The following SYNE1 variants were observed in gnomAD, a reference collection of about 807,000 sequenced individuals.
SYNE1 encodes the protein spectrin repeat containing nuclear envelope protein 1.
SYNE1 carries 616 observed loss-of-function variants against 1,111.0 expected under a neutral mutation model. The ratio of observed to expected loss-of-function variants is 0.55; its 90% confidence interval spans 0.52 to 0.59. The LOEUF is 0.59. Ranked by LOEUF, SYNE1 falls within the 20% of genes least tolerant of loss-of-function variation. The probability of loss-of-function intolerance (pLI) is 0.00; values close to 1 mark genes in which losing one functional copy is unlikely to be tolerated. For synonymous variants in SYNE1, 3,855 were observed against 3,825.8 expected, an observed-to-expected ratio of 1.01 and a Z score of -0.28; for missense variants, 10,006 against 10,417.0, an observed-to-expected ratio of 0.96 and a Z score of 1.72.
chr6:152,390,346 T>G lies in SYNE1; in HGVS notation c.8111A>C (p.Gln2704Pro), dbSNP rs1591715506. The change falls in exon 53 of 146, where the codon CAG becomes CCG. Residue 2704 changes from glutamine (Q) to proline (P), a missense_variant. Physicochemically the swap from Gln to Pro is moderately conservative, Grantham distance 76. Transcript: ENST00000367255. Reference protein sequence around the residue: ...SSNKEGQRVIQTQLETLKEVW... With the variant: ...SSNKEGQRVIPTQLETLKEVW... Reference sequence around the variant, plus strand: ...TTCTTTAAGGGTCTCTAACTGAGTCTGAATCACCCTCTGACCTTCTTTGTT... The same window carrying G: ...TTCTTTAAGGGTCTCTAACTGAGTCGGAATCACCCTCTGACCTTCTTTGTT... 5.0e-6 allele frequency: 8 copies of G among 1,614,176 alleles called. No individual in the cohort carries two copies. The highest frequency in any genetic ancestry group is 6.8e-6 in the Non-Finnish European group (8 of 1,180,026).
rs777031476 is a variant in SYNE1, at chr6:152,399,792, C to T, written c.7061G>A (p.Ser2354Asn). Residue 2354 changes from serine to asparagine, a missense_variant, in exon 48 of 146, where the codon AGC becomes AAC. Ser to Asn is a conservative substitution (Grantham distance 46). This residue lies in a region of SYNE1 where 4,955 missense variants were observed against 5,017.2 expected (regional missense o/e 0.99). Transcript: ENST00000367255. ...DIQKELQSQQ[S>N]NISSTQENLN... is the part of the protein sequence containing the mutation. The stretch of plus-strand genomic sequence containing the variant: ...ATTTTCTTGGGTAGAGCTGATGTTG[C>T]TTTGTTGACTTTGAAGTTCTTTTTG... The T allele has an allele frequency of 1.2e-6, 2 of 1,613,958 alleles. No individual in the cohort carries two copies. The highest frequency in any genetic ancestry group is 1.1e-5 in the South Asian group (1 of 91,082).
chr6:152,397,638 A>C (rs550928904), intron 49 of SYNE1, among the ~76,000 whole-genome samples: 37 of 152,284 alleles, frequency 2.4e-4, no homozygotes, highest in African/African-American at 8.9e-4. Flanking sequence ...TTCTAATCTA[A>C]TGAATTTTCA....
chr6:152,122,358 CTTG>C lies in SYNE1; in HGVS notation c.*75_*77del. The stretch of plus-strand genomic sequence containing the variant: ...GGGCTTTCGCCAAGATCAAGGTCCT[CTTG>C]TTGGTAGTTTGGGATTGCTTATGAC... On this transcript the variant is annotated 3_prime_UTR_variant, in exon 146 of 146. Transcript: ENST00000367255. 1.9e-6 allele frequency: 3 copies of C among 1,611,444 alleles called. No individual in the cohort carries two copies. Among genetic ancestry groups the C allele is most frequent in the South Asian group, 2.2e-5 (2 of 90,776 alleles).
intron 53 of SYNE1, among the ~76,000 whole-genome samples, chr6:152,388,135 G>A (rs1563614571): frequency 6.6e-6 from 1 of 152,114 alleles, no homozygotes; most frequent in African/African-American, 2.4e-5. Flanking sequence ...TGAACTTCCA[G>A]TATTTGCTCA....
intron 3 of SYNE1, among the ~76,000 whole-genome samples, chr6:152,618,757 A>G (rs373141149): frequency 6.6e-6 from 1 of 152,240 alleles, no homozygotes; most frequent in Non-Finnish European, 1.5e-5. Context: ...AAAATTGTAC[A>G]TGGATAATTT....
intron 6 of SYNE1, among the ~76,000 whole-genome samples, chr6:152,514,487 G>A (rs947960443): frequency 6.6e-6 from 1 of 152,232 alleles, no homozygotes; most frequent in Non-Finnish European, 1.5e-5. Flanking sequence ...ACGGGGTAGG[G>A]GACTAGGGGA....
At chr6:152,369,159 G>T in intron 60 of SYNE1, 32 bp from the exon 61 acceptor site, 1 of 1,609,518 alleles carries the variant, frequency 6.2e-7, no homozygotes. Context: ...CTATTCAGAG[G>T]CTGGGGAAAA....
intron 3 of SYNE1, among the ~76,000 whole-genome samples, chr6:152,559,713 C>G (rs1028034075): frequency 3.1e-4 from 47 of 151,936 alleles, no homozygotes; most frequent in African/African-American, 1.1e-3. Context: ...AATTTTATAC[C>G]TCAAGGAGCT....
Position 152,331,501 on chromosome 6 carries a change from T to C in SYNE1, c.13184A>G (p.Glu4395Gly), listed in dbSNP as rs1051765848. 6.2e-7 allele frequency: 1 copy of C among 1,614,150 alleles called. No individual in the cohort carries two copies. The highest frequency in any genetic ancestry group is 1.3e-5 in the African/African-American group (1 of 75,044). ...MDHLAICSEL[E>G]AKQMLLKSLI... The stretch of plus-strand genomic sequence containing the variant: ...CGATTTCAGGAGCATCTGCTTGGCC[T>C]CCAGTTCACTGCAGATGGCCAGGTG... Residue 4395 changes from glutamate (E) to glycine (G), a missense_variant, in exon 78 of 146, where the codon GAG (glutamate) becomes GGG (glycine). By Grantham distance (98) the Glu-to-Gly change is moderately conservative (BLOSUM62 -2). Coordinates refer to ENST00000367255, the MANE Select transcript of SYNE1 (RefSeq NM_182961.4).
At chr6:152,372,484 AATAG>A (rs769741159) in intron 59 of SYNE1, among the ~76,000 whole-genome samples, 1 of 152,214 alleles carries the variant, frequency 6.6e-6, no homozygotes. Context: ...CGATACATAA[AATAG>A]ATAGTCTCAG....
Position 152,510,183 on chromosome 6 carries a change from T to C in SYNE1, c.581+10A>G, listed in dbSNP as rs771573516. The C allele has an allele frequency of 9.0e-5, 145 of 1,613,674 alleles. No homozygotes were observed. In the South Asian group the frequency reaches 1.5e-3, roughly 17 times the overall value. The stretch of plus-strand genomic sequence containing the variant: ...ACGGTTTCAAATTTAGACAAACTCT[T>C]GATACTTACTTGCCAGCTGTGTACT... On this transcript the variant is annotated intron_variant, in intron 8 of 145. Transcript: ENST00000367255.
chr6:152,627,749 C>T (rs1414863065), intron 3 of SYNE1, among the ~76,000 whole-genome samples: 3 of 152,114 alleles, frequency 2.0e-5, no homozygotes, highest in East Asian at 1.9e-4. Flanking sequence ...TACCCTGCCA[C>T]GAACAATTCA....
chr6:152,282,253 G>A (rs1304345321), intron 96 of SYNE1, among the ~76,000 whole-genome samples: 2 of 152,134 alleles, frequency 1.3e-5, no homozygotes, highest in East Asian at 3.9e-4. Context: ...TATAGGACCA[G>A]GCAGTAATAG....
rs576559210 is a variant in SYNE1 at position 152,634,948 on chromosome 6, G to A, written c.-224+1690C>T. On this transcript the variant is annotated intron_variant, in intron 2 of 145. Transcript: ENST00000367255. Reference sequence around the variant, plus strand: ...GCATGCCTGTCACATTCAGACCACAGGGTGTGGCTGCAGTAGCTAGAGCTG... The same window carrying A: ...GCATGCCTGTCACATTCAGACCACAAGGTGTGGCTGCAGTAGCTAGAGCTG... Among the ~76,000 whole-genome samples, 3 of 152,368 alleles carry A rather than the reference G, an allele frequency of 2.0e-5. No homozygotes were observed. The East Asian group carries it at 5.8e-4, about 29-fold the overall frequency.
chr6:152,310,690 T>C lies in SYNE1; in HGVS notation c.16894A>G (p.Lys5632Glu), dbSNP rs1170671099. 6.2e-7 allele frequency: 1 copy of C among 1,613,838 alleles called. No homozygotes were observed. The highest frequency in any genetic ancestry group is 1.7e-5 in the Admixed American group (1 of 59,990). ...TTCTTTTTTTTTTCTTTTTTTACCT[T>C]AGCTGCATCTTGGAGGTTCTGCAAA... ...IRLQNLQDAA[K>E]DMKKFEAELK... The change falls in exon 88 of 146, where the codon AAG becomes GAG. Residue 5632 changes from lysine (K) to glutamate (E), a missense_variant and splice_region_variant. Coordinates refer to ENST00000367255, the MANE Select transcript of SYNE1 (RefSeq NM_182961.4).
chr6:152,174,734 C>T (rs1392114330), intron 130 of SYNE1, among the ~76,000 whole-genome samples: 1 of 152,208 alleles, frequency 6.6e-6, no homozygotes, highest in East Asian at 1.9e-4. Context: ...GATGGACAAG[C>T]CTCAACCTTA....
chr6:152,624,809 T>C (rs1198316376), intron 3 of SYNE1, among the ~76,000 whole-genome samples: 1 of 152,200 alleles, frequency 6.6e-6, no homozygotes, highest in Non-Finnish European at 1.5e-5. Flanking sequence ...CTAAATTATG[T>C]AGCAATCTCT....
At chr6:152,235,990 G>C (rs778768363) in intron 110 of SYNE1, 117 bp downstream of exon 110, 2 of 1,153,794 alleles carry the variant, frequency 1.7e-6, no homozygotes, top group African/African-American at 1.5e-5. Flanking sequence ...CAGTCCTCCC[G>C]TATTGGCCAC....
In SYNE1 at chr6:152,218,543, T is replaced by C. The variant is rs1467086538; in HGVS notation, c.22045-140A>G. 14 of 961,244 alleles carry C rather than the reference T, an allele frequency of 1.5e-5. No homozygotes were observed. The African/African-American group carries it at 2.0e-4, about 14-fold the overall frequency. The allele number at this position is 961,244 out of a possible 1,614,324, so 59.5% of individuals were successfully genotyped here. On this transcript the variant is annotated intron_variant, in intron 120 of 145. Coordinates refer to ENST00000367255, the MANE Select transcript of SYNE1 (RefSeq NM_182961.4). Reference sequence around the variant, plus strand: ...CAAATTGCCATTCTCTAGACGTTCCTATAAAAAAAGCTATAACAATTTAAA... The same window carrying C: ...CAAATTGCCATTCTCTAGACGTTCCCATAAAAAAAGCTATAACAATTTAAA...
Sources: gnomAD v4.1 joint callset for allele counts (sites outside exome capture counted in the v4.1 genomes callset) on GRCh38, gnomAD v4.1.1 for gene constraint, gnomAD v4.1.1 regional missense constraint, MANE v1.5 for transcripts, NCBI Gene and HGNC (gene_info 2026-07-23, HGNC 2026-07-21) for gene names.